ADGRF3: variants seen among roughly 807,000 people sequenced by gnomAD.
ADGRF3 encodes G protein-coupled receptor 113.
ADGRF3 carries 85 observed loss-of-function variants against 93.2 expected under a neutral mutation model. The ratio of observed to expected loss-of-function variants is 0.91; its 90% CI spans 0.77 to 1.09. The LOEUF (loss-of-function observed/expected upper bound fraction) is 1.09. ADGRF3 is among the 50% of genes least tolerant of loss of function. The pLI is 0.00. For synonymous variants in ADGRF3, 534 were observed against 532.5 expected (o/e 1.00, Z -0.04); for missense variants, 1,125 against 1,246.2 (o/e 0.90, Z 1.46).
rs34910544 is a variant in ADGRF3 at position 26,334,288 on chromosome 2, C to CAA, written c.114+11831_114+11832dup. On this transcript the variant is annotated intron_variant, in intron 1 of 13. Coordinates refer to ENST00000651242, the MANE Select transcript of ADGRF3 (RefSeq NM_001321971.2). Reference sequence around the variant, plus strand: ...TAGGCAAGACAGCAAGCTATCATCTCAAAAAAAAAAAAAAAAAGTAAATTT... The same window carrying CAA: ...TAGGCAAGACAGCAAGCTATCATCTCAAAAAAAAAAAAAAAAAAAGTAAATTT... 2.4e-3 allele frequency among the ~76,000 whole-genome samples: 267 copies of CAA among 110,410 alleles called. 1 individual carries two copies. The highest frequency in any genetic ancestry group is 5.1e-3 in the East Asian group (19 of 3,760). The allele number at this position is 110,410 out of a possible 152,430, so 72.4% of individuals were successfully genotyped here. A position where few individuals can be genotyped will look rare whatever the true frequency, so the allele number is the denominator to read the frequency against.
At chr2:26,331,238 TG>T (rs748982381) in intron 1 of ADGRF3, among the ~76,000 whole-genome samples, 1 of 152,178 alleles carries the variant, frequency 6.6e-6, no homozygotes, top group Non-Finnish European at 1.5e-5. Flanking sequence ...GGACAGCTTT[TG>T]TAAGTGTTCT....
intron 1 of ADGRF3, among the ~76,000 whole-genome samples, chr2:26,343,864 A>T (rs918000754): frequency 6.6e-6 from 1 of 152,246 alleles, no homozygotes; most frequent in African/African-American, 2.4e-5. Context: ...CTTATAAATT[A>T]TCAGATGAAT....
chr2:26,339,437 A>G (rs1451070538), intron 1 of ADGRF3, among the ~76,000 whole-genome samples: 1 of 152,164 alleles, frequency 6.6e-6, no homozygotes, highest in Non-Finnish European at 1.5e-5. Flanking sequence ...CAGAGGTTGC[A>G]GTGAGCTAAG....
intron 9 of ADGRF3, 108 bp downstream of exon 9, chr2:26,312,835 G>T: frequency 9.6e-7 from 1 of 1,039,774 alleles, no homozygotes; most frequent in Non-Finnish European, 1.4e-6. Flanking sequence ...GGAAAGGTCT[G>T]CTGCCCAACA....
Position 26,317,023 on chromosome 2 carries a change from C to G in ADGRF3, c.214G>C (p.Asp72His), listed in dbSNP as rs1350716971. The change falls in exon 3 of 14, where the codon GAC becomes CAC. Residue 72 changes from aspartate (D) to histidine (H), a missense_variant. Asp to His is a moderately conservative substitution (Grantham distance 81, BLOSUM62 -1). Transcript: ENST00000651242. ...GGGGGCCAGGTCTTATCTGGAAAGT[C>G]CAGATGTACATAGACGGAGACCAGC... The part of the protein sequence containing the change: ...SALVSVYVHL[D>H]FPDKTWPPEL... 2 of 1,612,830 alleles carry G rather than the reference C, an allele frequency of 1.2e-6. No homozygotes were observed. Among genetic ancestry groups the G allele is most frequent in the East Asian group, 2.2e-5 (1 of 44,868 alleles).
In ADGRF3 at chr2:26,312,044, C is replaced by G. The variant is rs895650722; in HGVS notation, c.1480G>C (p.Asp494His). ...NLLIATDKVL[D>H]MDTRSLWTLA... is the part of the protein sequence containing the mutation. Reference sequence around the variant, plus strand: ...GTCCACAGAGACCTGGTGTCCATATCTAGGACCTTGTCTGTGGCAATCAGG... The same window carrying G: ...GTCCACAGAGACCTGGTGTCCATATGTAGGACCTTGTCTGTGGCAATCAGG... The change falls in exon 10 of 14, where the codon GAT becomes CAT. Residue 494 changes from aspartate to histidine, a missense_variant. Physicochemically the swap from Asp to His is moderately conservative, Grantham distance 81 (BLOSUM62 -1). Transcript: ENST00000651242. 3.7e-6 allele frequency: 6 copies of G among 1,611,490 alleles called. No homozygotes were observed. The Admixed American group carries it at 5.0e-5, about 13-fold the overall frequency.
At chr2:26,321,475 T>C (rs1374090837) in intron 1 of ADGRF3, among the ~76,000 whole-genome samples, 1 of 152,026 alleles carries the variant, frequency 6.6e-6, no homozygotes, top group East Asian at 1.9e-4. Flanking sequence ...TCCTAGACTA[T>C]GCTCAACAGG....
At chr2:26,336,362 GTGC>G (rs2147920367) in intron 1 of ADGRF3, among the ~76,000 whole-genome samples, 1 of 147,658 alleles carries the variant, frequency 6.8e-6, no homozygotes, top group Non-Finnish European at 1.5e-5. Flanking sequence ...GTATGTGTGT[GTGC>G]GTGTGTATGT....
chr2:26,342,073 A>T (rs190412608), intron 1 of ADGRF3, among the ~76,000 whole-genome samples: 8 of 147,418 alleles, frequency 5.4e-5, no homozygotes, highest in Admixed American at 2.0e-4. Context: ...ACTCCATCTC[A>T]AAAAAAAAAC....
chr2:26,343,795 T>G (rs541981928), intron 1 of ADGRF3, among the ~76,000 whole-genome samples: 105 of 152,294 alleles, frequency 6.9e-4, no homozygotes, highest in African/African-American at 2.3e-3. Context: ...GTAAGTTGTC[T>G]GAGATTACAC....
rs201621850 is a variant in ADGRF3, at chr2:26,314,534, G to A, written c.808C>T (p.Arg270Ter). The change falls in exon 6 of 14, where the codon CGA (arginine) becomes TGA (stop). Residue 270 changes from arginine (R) to a stop codon, truncating the protein, a stop_gained. Coordinates refer to ENST00000651242, the MANE Select transcript of ADGRF3 (RefSeq NM_001321971.2). LOFTEE classifies it high-confidence loss of function. The part of the protein sequence containing the change: ...RVPLKATDVA[R>*]LPYQLSISCA... ...GAGATGGACAGCTGGTATGGAAGTCGAGCCACATCTGTCGCCTTCAAGGGC... is the reference window on the plus strand; with the variant it reads ...GAGATGGACAGCTGGTATGGAAGTCAAGCCACATCTGTCGCCTTCAAGGGC... 9.1e-5 allele frequency: 147 copies of A among 1,614,062 alleles called. No individual in the cohort carries two copies. The East Asian group carries it at 1.0e-3, about 11-fold the overall frequency.
chr2:26,317,628 T>TC, intron 1 of ADGRF3, 66 bp from the exon 2 acceptor site: 2 of 1,387,480 alleles, frequency 1.4e-6, no homozygotes, highest in South Asian at 2.5e-5. Flanking sequence ...CCAGCCTGAC[T>TC]AGTCTCAGCC....
intron 1 of ADGRF3, among the ~76,000 whole-genome samples, chr2:26,343,832 C>G (rs959230924): frequency 6.6e-6 from 1 of 152,150 alleles, no homozygotes; most frequent in Non-Finnish European, 1.5e-5. Context: ...AAGTATAAAC[C>G]AATTTCTGGG....
Position 26,310,072 on chromosome 2 carries a change from C to T in ADGRF3, c.2908G>A (p.Ala970Thr), listed in dbSNP as rs371242523. Residue 970 changes from alanine to threonine, a missense_variant, in exon 12 of 14, where the codon GCC becomes ACC. Coordinates refer to ENST00000651242, the MANE Select transcript of ADGRF3 (RefSeq NM_001321971.2). ...QEALRKRFCRAQAPSSTISLA... is the reference protein window; with the variant it reads ...QEALRKRFCRTQAPSSTISLA... ...GAGATGGTGGAGCTGGGGGCTTGGG[C>T]GCGGCAGAAGCGTTTGCGCAAAGCT... The T allele has an allele frequency of 6.1e-4, 990 of 1,614,008 alleles. 10 individuals are homozygous for T. The South Asian group carries it at 0.01, about 17-fold the overall frequency.
At chr2:26,309,712 C>T (rs1673878802) in intron 12 of ADGRF3, 131 bp from the exon 13 acceptor site, 1 of 1,340,006 alleles carries the variant, frequency 7.5e-7, no homozygotes, top group Non-Finnish European at 1.0e-6. Context: ...AGAAATTTTG[C>T]TCTCAGCTAC....
chr2:26,334,717 C>T (rs565765806), intron 1 of ADGRF3, among the ~76,000 whole-genome samples: 1 of 152,350 alleles, frequency 6.6e-6, no homozygotes, highest in East Asian at 1.9e-4. Context: ...CTTGTCCTCT[C>T]CTACTTCATA....
chr2:26,313,443 T>A lies in ADGRF3; in HGVS notation c.1203A>T (p.Gly401=). 6.2e-7 allele frequency: 1 copy of A among 1,610,306 alleles called. No individual in the cohort carries two copies. Among genetic ancestry groups the A allele is most frequent in the Non-Finnish European group, 8.5e-7 (1 of 1,178,448 alleles). The change falls in exon 8 of 14, where the codon GGA becomes GGT. Residue 401 remains glycine, a synonymous_variant. Coordinates refer to ENST00000651242, the MANE Select transcript of ADGRF3 (RefSeq NM_001321971.2). ...GIVRRLCGAD[G]VWGPVHSSCT... is the part of the protein sequence containing the mutation. Reference sequence around the variant, plus strand: ...AGCTGCTGTGGACCGGCCCCCAGACTCCGTCAGCCCCACAGAGCCTCCTCA... The same window carrying A: ...AGCTGCTGTGGACCGGCCCCCAGACACCGTCAGCCCCACAGAGCCTCCTCA...
chr2:26,338,437 G>C lies in ADGRF3; in HGVS notation c.114+7684C>G, dbSNP rs140425937. On this transcript the variant is annotated intron_variant, in intron 1 of 13. Coordinates refer to ENST00000651242, the MANE Select transcript of ADGRF3 (RefSeq NM_001321971.2). ...CAGAGTGCAATAATAACTTCTCCCT[G>C]CTTGGGGACCATGTCTTATTCAACT... Among the ~76,000 whole-genome samples the C allele has an allele frequency of 7.3e-3, 1,116 of 152,222 alleles. 14 individuals are homozygous for C. The highest frequency in any genetic ancestry group is 0.013 in the Non-Finnish European group (859 of 68,008).
chr2:26,317,660 G>T, intron 1 of ADGRF3, 98 bp from the exon 2 acceptor site: 1 of 1,118,274 alleles, frequency 8.9e-7, no homozygotes, highest in Non-Finnish European at 1.3e-6. Flanking sequence ...GTCTCAACCA[G>T]CTCTTCTTTT....
Sources: gnomAD v4.1 joint callset for allele counts (sites outside exome capture counted in the v4.1 genomes callset) on GRCh38, gnomAD v4.1.1 for gene constraint, MANE v1.5 for transcripts, NCBI Gene and HGNC (gene_info 2026-07-23, HGNC 2026-07-21) for gene names.